The following DGKB variants were observed in gnomAD, a reference collection of about 807,000 sequenced individuals.
The protein encoded by DGKB is 90 kDa diacylglycerol kinase.
Under a neutral mutation model 114.3 loss-of-function variants are expected in DGKB, and 67 were observed. The ratio of observed to expected loss-of-function variants is 0.59; its 90% CI spans 0.48 to 0.72. The LOEUF is 0.72. DGKB is among the 30% of genes least tolerant of loss of function. The pLI, the probability that DGKB is intolerant of heterozygous loss-of-function variation, is 0.00. For missense variants in DGKB, 907 were observed against 975.2 expected (o/e 0.93, Z 0.93); for synonymous variants, 398 against 323.1 (o/e 1.23, Z -2.49).
chr7:14,852,487 C>CAAAAAAAAACAAAAAAAAAAA (rs1554304221), intron 1 of DGKB, among the ~76,000 whole-genome samples: 2 of 63,634 alleles, frequency 3.1e-5, no homozygotes, highest in Non-Finnish European at 3.0e-5. Context: ...TAGTGAAAGT[C>CAAAAAAAAACAAAAAAAAAAA]AAAAAAAAAA....
chr7:14,952,568 C>T (rs1257222028), intron 1 of DGKB, among the ~76,000 whole-genome samples: 1 of 151,512 alleles, frequency 6.6e-6, no homozygotes, highest in Non-Finnish European at 1.5e-5. Flanking sequence ...ACAGCCTGAG[C>T]AACATGGTGA....
intron 5 of DGKB, among the ~76,000 whole-genome samples, chr7:14,731,013 G>T (rs771928432): frequency 2.1e-4 from 32 of 152,122 alleles, no homozygotes; most frequent in Admixed American, 5.2e-4. Context: ...AGTTTATGAT[G>T]AATTAAACTA....
chr7:14,679,328 A>T (rs888319355), intron 12 of DGKB, among the ~76,000 whole-genome samples: 1 of 151,948 alleles, frequency 6.6e-6, no homozygotes, highest in South Asian at 2.1e-4. Context: ...TGCCCCTTTA[A>T]TCCTCATAAT....
At chr7:14,606,850 G>T (rs1224282234) in intron 17 of DGKB, among the ~76,000 whole-genome samples, 3 of 151,972 alleles carry the variant, frequency 2.0e-5, no homozygotes, top group African/African-American at 7.2e-5. Flanking sequence ...GAGTGATATT[G>T]ATTAGATTTG....
chr7:14,411,948 T>C (rs58857069), intron 21 of DGKB, among the ~76,000 whole-genome samples: 226 of 152,304 alleles, frequency 1.5e-3, no homozygotes, highest in African/African-American at 5.0e-3. Context: ...TGAGATTGTT[T>C]AGTAAAATGC....
chr7:14,391,935 G>C (rs1821384845), intron 21 of DGKB, among the ~76,000 whole-genome samples: 1 of 152,100 alleles, frequency 6.6e-6, no homozygotes, highest in Non-Finnish European at 1.5e-5. Flanking sequence ...TTGCAAAATT[G>C]AGTTGATTTT....
chr7:14,921,080 T>G lies in DGKB; in HGVS notation c.-188+53616A>C, dbSNP rs1486204449. On this transcript the variant is annotated intron_variant, in intron 1 of 4. Transcript: ENST00000437998. ...AATGAGCATAGTACCCAATAAGTAG[T>G]TTTTCAATCCTCACCTCCTCCCATC... is the stretch of plus-strand genomic sequence containing the variant. 2.6e-5 allele frequency among the ~76,000 whole-genome samples: 4 copies of G among 152,032 alleles called. No individual in the cohort carries two copies. The East Asian group carries it at 7.7e-4, about 29-fold the overall frequency.
Position 14,685,370 on chromosome 7 carries a change from G to A in DGKB, c.712-8C>T. 2 of 1,594,226 alleles carry A rather than the reference G, an allele frequency of 1.3e-6. No homozygotes were observed. Among genetic ancestry groups the A allele is most frequent in the East Asian group, 4.5e-5 (2 of 44,734 alleles). ...TCCATCATCCTTCACGTTCTGCATG[G>A]GACGTAAGAGAAACAGATTTCACTT... On this transcript the variant is annotated splice_region_variant and splice_polypyrimidine_tract_variant and intron_variant, in intron 9 of 25. Transcript: ENST00000402815.
chr7:14,210,354 T>C (rs1002076814), intron 23 of DGKB, among the ~76,000 whole-genome samples: 1 of 152,128 alleles, frequency 6.6e-6, no homozygotes, highest in African/African-American at 2.4e-5. Flanking sequence ...GCCAGCCAAC[T>C]CTTCAAGACT....
At chr7:14,974,272 T>C (rs1787662457) in intron 1 of DGKB, among the ~76,000 whole-genome samples, 1 of 152,056 alleles carries the variant, frequency 6.6e-6, no homozygotes, top group African/African-American at 2.4e-5. Flanking sequence ...ACACACTGCG[T>C]TTATTTTCTA....
At chr7:14,335,138 TGTGA>T (rs75754535) in intron 23 of DGKB, among the ~76,000 whole-genome samples, 303 of 152,304 alleles carry the variant, frequency 2.0e-3, no homozygotes, top group Non-Finnish European at 2.5e-3. Flanking sequence ...GATTTTATTA[TGTGA>T]GTGTCTTCAA....
At chr7:14,202,167 G>T (rs1171306607) in intron 23 of DGKB, among the ~76,000 whole-genome samples, 2 of 151,824 alleles carry the variant, frequency 1.3e-5, no homozygotes. Flanking sequence ...TCTTTTTTAT[G>T]ATTTAATGTA....
At chr7:14,653,726 T>C (rs1169367134) in intron 13 of DGKB, among the ~76,000 whole-genome samples, 1 of 151,808 alleles carries the variant, frequency 6.6e-6, no homozygotes, top group African/African-American at 2.4e-5. Flanking sequence ...GGTTCATATA[T>C]GCAAATCAAT....
chr7:14,930,871 G>C (rs550859002), intron 1 of DGKB, among the ~76,000 whole-genome samples: 72 of 152,072 alleles, frequency 4.7e-4, no homozygotes, highest in African/African-American at 1.7e-3. Flanking sequence ...GTATTTTGAG[G>C]GATGTTTCTT....
chr7:14,311,564 C>T (rs148027122), intron 23 of DGKB, among the ~76,000 whole-genome samples: 147 of 152,102 alleles, frequency 9.7e-4, no homozygotes, highest in African/African-American at 3.2e-3. Flanking sequence ...CTGGGATGAC[C>T]GGTGCATGCC....
chr7:14,772,653 A>G (rs77140566), intron 2 of DGKB, among the ~76,000 whole-genome samples: 2,608 of 152,302 alleles, frequency 0.017, 69 homozygotes, highest in African/African-American at 0.059. Context: ...TCTTCCTATC[A>G]TCTGTTACAC....
intron 20 of DGKB, among the ~76,000 whole-genome samples, chr7:14,529,266 A>C (rs1360403188): frequency 1.3e-5 from 2 of 151,960 alleles, no homozygotes; most frequent in African/African-American, 2.4e-5. Flanking sequence ...GAAATGGTGG[A>C]GTTTTGAAGA....
At chr7:14,679,124 C>CTT (rs1040253972) in intron 12 of DGKB, among the ~76,000 whole-genome samples, 3 of 152,024 alleles carry the variant, frequency 2.0e-5, no homozygotes, top group African/African-American at 7.2e-5. Flanking sequence ...GACTGGACAA[C>CTT]TATCCATCCT....
intron 20 of DGKB, among the ~76,000 whole-genome samples, chr7:14,558,995 C>T (rs1054549681): frequency 3.3e-5 from 5 of 152,286 alleles, no homozygotes; most frequent in Non-Finnish European, 7.4e-5. Context: ...AGCAGATCAC[C>T]TGCATGTCCC....
Sources: gnomAD v4.1 joint callset for allele counts (sites outside exome capture counted in the v4.1 genomes callset) on GRCh38, gnomAD v4.1.1 for gene constraint, MANE v1.5 for transcripts, NCBI Gene and HGNC (gene_info 2026-07-23, HGNC 2026-07-21) for gene names.